AFG1L: variants seen among roughly 807,000 people sequenced by gnomAD.
AFG1L encodes the protein AFG1 like ATPase.
Under a neutral mutation model 62.2 loss-of-function variants are expected in AFG1L, and 53 were observed. That is an observed-to-expected ratio of 0.85 (90% CI 0.68 to 1.07). The LOEUF (loss-of-function observed/expected upper bound fraction) is 1.07, where lower values mean the gene tolerates loss of function less well. AFG1L is among the 50% of genes least tolerant of loss of function. The pLI is 0.00. For synonymous variants in AFG1L, 228 were observed against 210.3 expected, an observed-to-expected ratio of 1.08 and a Z score of -0.73; for missense variants, 555 against 590.5, an observed-to-expected ratio of 0.94 and a Z score of 0.62.
chr6:108,345,083 C>G (rs1028460137), intron 2 of AFG1L, among the ~76,000 whole-genome samples: 1 of 152,038 alleles, frequency 6.6e-6, no homozygotes, highest in East Asian at 1.9e-4. Flanking sequence ...TATGAAAGGA[C>G]AATTTTCCAT....
At chr6:108,470,276 G>T (rs774979828) in intron 8 of AFG1L, among the ~76,000 whole-genome samples, 1 of 152,198 alleles carries the variant, frequency 6.6e-6, no homozygotes, top group Non-Finnish European at 1.5e-5. Flanking sequence ...CAAGGGGAAG[G>T]CAGGGAAAGG....
chr6:108,361,630 T>C (rs1376157876), intron 5 of AFG1L, among the ~76,000 whole-genome samples: 1 of 152,222 alleles, frequency 6.6e-6, no homozygotes, highest in Non-Finnish European at 1.5e-5. Context: ...TAAGCTCTTA[T>C]CTCTGGCCAC....
At position 108,382,147 on chromosome 6, in the gene AFG1L, C is replaced by T. The variant is rs560528332; in HGVS notation, c.748+15815C>T. Among the ~76,000 whole-genome samples, 81 of 151,906 alleles carry T rather than the reference C, an allele frequency of 5.3e-4. No individual in the cohort carries two copies. In the South Asian group the frequency reaches 0.015, roughly 29 times the overall value. ...TCCCGAGTAGCTGGGATTACAGGCA[C>T]GCGCCACCACACCTGGCTAATTTTG... On this transcript the variant is annotated intron_variant, in intron 6 of 12. Transcript: ENST00000368977.
chr6:108,423,899 G>C (rs1171541873), intron 7 of AFG1L, among the ~76,000 whole-genome samples: 1 of 151,964 alleles, frequency 6.6e-6, no homozygotes, highest in Non-Finnish European at 1.5e-5. Context: ...ATGATTGATA[G>C]GATTCATGTA....
chr6:108,333,593 A>G (rs1778360738), intron 2 of AFG1L, among the ~76,000 whole-genome samples: 1 of 152,222 alleles, frequency 6.6e-6, no homozygotes, highest in East Asian at 1.9e-4. Context: ...AATAATAATA[A>G]TAATAAAGAA....
chr6:108,368,986 T>C (rs1449721077), intron 6 of AFG1L, among the ~76,000 whole-genome samples: 1 of 152,200 alleles, frequency 6.6e-6, no homozygotes, highest in Non-Finnish European at 1.5e-5. Flanking sequence ...GAAAGCCTTT[T>C]CTAAATATAA....
intron 11 of AFG1L, among the ~76,000 whole-genome samples, chr6:108,519,015 G>T (rs1775018943): frequency 6.6e-6 from 1 of 152,188 alleles, no homozygotes; most frequent in Non-Finnish European, 1.5e-5. Context: ...AGTATGTGGT[G>T]CTATAACAAA....
intron 1 of AFG1L, among the ~76,000 whole-genome samples, chr6:108,323,136 G>A (rs765953287): frequency 1.3e-4 from 20 of 152,130 alleles, no homozygotes; most frequent in Admixed American, 1.3e-4. Flanking sequence ...TAGTCTTCAC[G>A]TCTTTGTCTT....
chr6:108,303,326 C>T (rs543396459), intron 1 of AFG1L, among the ~76,000 whole-genome samples: 36 of 152,270 alleles, frequency 2.4e-4, no homozygotes, highest in Non-Finnish European at 4.4e-4. Context: ...GGATTACAGG[C>T]GTGAGCCAAC....
chr6:108,394,631 A>T (rs1405977331), intron 6 of AFG1L, among the ~76,000 whole-genome samples: 3 of 152,038 alleles, frequency 2.0e-5, no homozygotes, highest in Non-Finnish European at 4.4e-5. Context: ...TTTGAGATTA[A>T]TCTATTTTGC....
At chr6:108,458,158 G>A (rs183344554) in intron 8 of AFG1L, among the ~76,000 whole-genome samples, 145 of 152,210 alleles carry the variant, frequency 9.5e-4, no homozygotes, top group African/African-American at 3.5e-3. Context: ...GGATTTGGTT[G>A]TGCTTCTTGG....
At chr6:108,300,270 T>G (rs1489179664) in intron 1 of AFG1L, among the ~76,000 whole-genome samples, 2 of 152,126 alleles carry the variant, frequency 1.3e-5, no homozygotes, top group East Asian at 3.9e-4. Flanking sequence ...TGTCTCAGCT[T>G]CCTAAGTAGC....
intron 6 of AFG1L, among the ~76,000 whole-genome samples, chr6:108,378,753 C>T (rs1044424201): frequency 6.6e-6 from 1 of 152,058 alleles, no homozygotes; most frequent in Non-Finnish European, 1.5e-5. Flanking sequence ...TGTGCTGGTT[C>T]CTTCTCATCT....
chr6:108,470,272 G>T (rs1474613308), intron 8 of AFG1L, among the ~76,000 whole-genome samples: 2 of 152,212 alleles, frequency 1.3e-5, no homozygotes, highest in East Asian at 3.9e-4. Context: ...TTCCCAAGGG[G>T]AAGGCAGGGA....
intron 10 of AFG1L, among the ~76,000 whole-genome samples, chr6:108,503,669 AC>A (rs1774290824): frequency 6.6e-6 from 1 of 152,202 alleles, no homozygotes; most frequent in South Asian, 2.1e-4. Context: ...ACTTAAAGTC[AC>A]CAGCTGCATT....
At chr6:108,350,501 C>G (rs944083444) in intron 3 of AFG1L, among the ~76,000 whole-genome samples, 48 of 152,204 alleles carry the variant, frequency 3.2e-4, no homozygotes, top group Admixed American at 1.1e-3. Flanking sequence ...ATTCTAAATC[C>G]TGGGAACTGC....
intron 8 of AFG1L, among the ~76,000 whole-genome samples, chr6:108,471,375 C>G (rs1309198135): frequency 6.6e-6 from 1 of 151,802 alleles, no homozygotes; most frequent in Non-Finnish European, 1.5e-5. Flanking sequence ...TATCAATACT[C>G]TTGGATCTCC....
chr6:108,299,099 A>G (rs748207431), intron 1 of AFG1L, among the ~76,000 whole-genome samples: 2 of 151,980 alleles, frequency 1.3e-5, no homozygotes, highest in Admixed American at 6.6e-5. Flanking sequence ...CGTCTCTACT[A>G]AAAATACAAA....
At chr6:108,350,745 G>A (rs979183618) in intron 3 of AFG1L, among the ~76,000 whole-genome samples, 1 of 152,172 alleles carries the variant, frequency 6.6e-6, no homozygotes, top group Non-Finnish European at 1.5e-5. Flanking sequence ...TACACTAGAA[G>A]AGAATAAAAG....
Sources: gnomAD v4.1 joint callset for allele counts (sites outside exome capture counted in the v4.1 genomes callset) on GRCh38, gnomAD v4.1.1 for gene constraint, MANE v1.5 for transcripts, NCBI Gene and HGNC (gene_info 2026-07-23, HGNC 2026-07-21) for gene names.